Variants in HGF observed in about 807,000 individuals in gnomAD.
HGF encodes fibroblast-derived tumor cytotoxic factor.
In HGF, 39 loss-of-function variants were observed where a neutral mutation model predicts 111.6. That is an observed-to-expected ratio of 0.35 (90% CI 0.27 to 0.46). The LOEUF is 0.46. HGF is among the 20% of genes least tolerant of loss of function. The pLI is 1.00. For synonymous variants in HGF, 285 were observed against 294.8 expected (o/e 0.97, Z 0.34); for missense variants, 735 against 910.5 (o/e 0.81, Z 2.48).
At chr7:81,742,325 T>C (rs1788040438) in intron 7 of HGF, among the ~76,000 whole-genome samples, 1 of 152,236 alleles carries the variant, frequency 6.6e-6, no homozygotes, top group South Asian at 2.1e-4. Context: ...TCAGTTAGGT[T>C]TGTTCAGAGG....
chr7:81,713,212 T>A (rs1398926426), intron 11 of HGF, among the ~76,000 whole-genome samples: 1 of 152,142 alleles, frequency 6.6e-6, no homozygotes, highest in African/African-American at 2.4e-5. Context: ...TATCTTACAA[T>A]ATATTTAGTT....
At chr7:81,761,548 A>G (rs1479091930) in intron 2 of HGF, among the ~76,000 whole-genome samples, 3 of 149,964 alleles carry the variant, frequency 2.0e-5, no homozygotes, top group Admixed American at 1.3e-4. Flanking sequence ...TTTATGCATG[A>G]CCCTGTTAAA....
chr7:81,716,681 T>C (rs1789720530), intron 11 of HGF, among the ~76,000 whole-genome samples: 1 of 152,174 alleles, frequency 6.6e-6, no homozygotes, highest in Admixed American at 6.5e-5. Flanking sequence ...GTATTACATG[T>C]TTTTTATATA....
intron 11 of HGF, among the ~76,000 whole-genome samples, chr7:81,714,674 ATATGTAAAAT>A (rs1789664195): frequency 6.6e-6 from 1 of 152,130 alleles, no homozygotes; most frequent in East Asian, 1.9e-4. Context: ...AAACTTAAAA[ATATGTAAAAT>A]ATTATTTTGT....
intron 7 of HGF, 100 bp downstream of exon 7, chr7:81,743,253 G>T: frequency 1.2e-6 from 1 of 814,432 alleles, no homozygotes; most frequent in South Asian, 1.3e-5. Flanking sequence ...ACACATTAAA[G>T]CATCAAGTTA....
chr7:81,737,643 A>G (rs1787876236), intron 7 of HGF, among the ~76,000 whole-genome samples: 1 of 152,132 alleles, frequency 6.6e-6, no homozygotes, highest in Admixed American at 6.6e-5. Flanking sequence ...GCCATTAAAG[A>G]AAATTTTTTT....
rs142675717 is a variant in HGF, at chr7:81,768,950, A to G, written c.88+934T>C. ...AGGTCTGATAAATGTCATATTTACC[A>G]TCTCAAAAGATACAGCCAGTTCTCT... On this transcript the variant is annotated intron_variant, in intron 1 of 17. Transcript: ENST00000222390. 1.1e-3 allele frequency among the ~76,000 whole-genome samples: 161 copies of G among 152,302 alleles called. 1 individual carries two copies. The highest frequency in any genetic ancestry group is 3.8e-3 in the African/African-American group (158 of 41,560).
At chr7:81,704,879 G>A (rs1364798585) in intron 17 of HGF, among the ~76,000 whole-genome samples, 1 of 151,786 alleles carries the variant, frequency 6.6e-6, no homozygotes, top group African/African-American at 2.4e-5. Context: ...AGCTCGTAAA[G>A]TCACAAACTT....
chr7:81,767,929 A>G (rs1789445656), intron 1 of HGF, among the ~76,000 whole-genome samples: 1 of 152,098 alleles, frequency 6.6e-6, no homozygotes, highest in South Asian at 2.1e-4. Flanking sequence ...AAGGTTATTA[A>G]AAAAAACTAT....
chr7:81,715,642 ACAT>A (rs1480502332), intron 11 of HGF, among the ~76,000 whole-genome samples: 1 of 152,130 alleles, frequency 6.6e-6, no homozygotes, highest in Non-Finnish European at 1.5e-5. Flanking sequence ...GACTTGATTA[ACAT>A]CATATTTTAA....
rs1381790984 is a variant in HGF at position 81,707,294 on chromosome 7, A to T, written c.1612T>A (p.Ser538Thr). 6.4e-7 allele frequency: 1 copy of T among 1,567,670 alleles called. No homozygotes were observed. Among genetic ancestry groups the T allele is most frequent in the Non-Finnish European group, 8.8e-7 (1 of 1,138,246 alleles). Residue 538 changes from serine to threonine, a missense_variant, in exon 14 of 18, where the codon TCT becomes ACT. Physicochemically the swap from Ser to Thr is moderately conservative, Grantham distance 58. Transcript: ENST00000222390. The stretch of plus-strand genomic sequence containing the variant: ...CTAGTTTTAAAAACACTTTACCGAG[A>T]AGGGAAACACTGTCGTGCAGTAAGA... ...WVLTARQCFP[S>T]RDLKDYEAWL...
At chr7:81,748,251 C>T (rs1788356254) in intron 5 of HGF, among the ~76,000 whole-genome samples, 1 of 152,102 alleles carries the variant, frequency 6.6e-6, no homozygotes, top group African/African-American at 2.4e-5. Context: ...CAACATTGTC[C>T]TCATTGCCCT....
chr7:81,743,489 A>G lies in HGF; in HGVS notation c.747-18T>C, dbSNP rs369512441. The G allele has an allele frequency of 4.0e-6, 6 of 1,494,396 alleles. No individual in the cohort carries two copies. In the African/African-American group the frequency reaches 8.3e-5, roughly 21 times the overall value. 92.6% of individuals were successfully genotyped at this position (1,494,396 alleles called of 1,614,324 possible). On this transcript the variant is annotated intron_variant, in intron 6 of 17. Coordinates refer to ENST00000222390, the MANE Select transcript of HGF (RefSeq NM_000601.6). ...CGGGATATCTGCAAACCACACCAAG[A>G]AAAGTGTCACGTAAATCTGCCTGGA...
At chr7:81,718,710 A>T (rs1194503701) in intron 10 of HGF, among the ~76,000 whole-genome samples, 1 of 152,170 alleles carries the variant, frequency 6.6e-6, no homozygotes, top group Non-Finnish European at 1.5e-5. Context: ...GTGTACGGTG[A>T]GGATGAAGAT....
chr7:81,732,602 CT>C (rs1787704088), intron 7 of HGF, among the ~76,000 whole-genome samples: 4 of 152,014 alleles, frequency 2.6e-5, no homozygotes, highest in Non-Finnish European at 4.4e-5. Flanking sequence ...TACTTAGACC[CT>C]TAAACTCAGA....
intron 10 of HGF, among the ~76,000 whole-genome samples, chr7:81,718,088 A>G (rs1332020911): frequency 6.6e-6 from 1 of 152,224 alleles, no homozygotes; most frequent in Admixed American, 6.5e-5. Context: ...TTGACTGATC[A>G]TAAAAGTCAT....
At chr7:81,766,888 G>C (rs1038563264) in intron 1 of HGF, among the ~76,000 whole-genome samples, 1 of 152,128 alleles carries the variant, frequency 6.6e-6, no homozygotes, top group Non-Finnish European at 1.5e-5. Flanking sequence ...AAGACCACAT[G>C]GTTGAGCATG....
rs76480553 is a variant in HGF at position 81,709,891 on chromosome 7, C to T, written c.1541+256G>A. On this transcript the variant is annotated intron_variant, in intron 13 of 17. Coordinates refer to ENST00000222390, the MANE Select transcript of HGF (RefSeq NM_000601.6). ...TTTTGCTTAATCGGAACCAAAGTGT[C>T]TCTTAGAATCAGGGACATTGCCAAC... Among the ~76,000 whole-genome samples, 2,329 of 152,206 alleles carry T rather than the reference C, an allele frequency of 0.015. 57 individuals are homozygous for T. The highest frequency in any genetic ancestry group is 0.053 in the African/African-American group (2,216 of 41,548).
At chr7:81,751,733 C>G in intron 5 of HGF, 4 of 1,039,084 alleles carry the variant, frequency 3.8e-6, no homozygotes, top group Non-Finnish European at 4.6e-6. Context: ...TCTGTGGAAG[C>G]AGGTGCTGGT....
Sources: gnomAD v4.1 joint callset for allele counts (sites outside exome capture counted in the v4.1 genomes callset) on GRCh38, gnomAD v4.1.1 for gene constraint, MANE v1.5 for transcripts, NCBI Gene and HGNC (gene_info 2026-07-23, HGNC 2026-07-21) for gene names.